Variants in MALRD1 observed in about 807,000 individuals in gnomAD.
The protein encoded by MALRD1 is MAM and LDL receptor class A domain containing 1.
In MALRD1, 247 loss-of-function variants were observed where a neutral mutation model predicts 242.1. The observed-to-expected ratio is 1.02, with a 90% CI of 0.92 to 1.13. The LOEUF (loss-of-function observed/expected upper bound fraction) is 1.13, where lower values mean the gene tolerates loss of function less well. Ranked by LOEUF, MALRD1 falls within the 50% of genes most tolerant of loss-of-function variation. The probability of loss-of-function intolerance (pLI) is 0.00; values close to 1 mark genes in which losing one functional copy is unlikely to be tolerated. For missense variants in MALRD1, 2,989 were observed against 2,533.1 expected (o/e 1.18, Z -3.86); for synonymous variants, 995 against 866.6 (o/e 1.15, Z -2.60).
intron 29 of MALRD1, among the ~76,000 whole-genome samples, chr10:19,465,007 C>T (rs539949034): frequency 7.4e-6 from 1 of 135,550 alleles, no homozygotes; most frequent in Non-Finnish European, 1.6e-5. Context: ...TGATTTGATT[C>T]TCAGCTTTGT....
chr10:19,695,075 G>A (rs1427506918), intron 38 of MALRD1, among the ~76,000 whole-genome samples: 5 of 152,128 alleles, frequency 3.3e-5, no homozygotes, highest in African/African-American at 9.7e-5. Context: ...CCTGTCATGG[G>A]GTGGGGCTAG....
chr10:19,170,668 C>T (rs773287418), intron 13 of MALRD1, among the ~76,000 whole-genome samples: 75 of 152,270 alleles, frequency 4.9e-4, no homozygotes, highest in South Asian at 3.5e-3. Flanking sequence ...TATTCTGCAG[C>T]ATCCACTAAA....
chr10:19,630,935 G>A (rs1415638167), intron 36 of MALRD1, among the ~76,000 whole-genome samples: 1 of 152,042 alleles, frequency 6.6e-6, no homozygotes, highest in African/African-American at 2.4e-5. Flanking sequence ...GAAACATTGT[G>A]ATGTACAAGG....
In MALRD1 at chr10:19,325,880, C is replaced by A. The variant is rs117852543; in HGVS notation, c.3577-1683C>A. 1.2e-3 allele frequency among the ~76,000 whole-genome samples: 180 copies of A among 152,162 alleles called. 1 individual carries two copies. The East Asian group carries it at 0.025, about 21-fold the overall frequency. ...GACTAACTGCTAGGTCATACGTTTT[C>A]CGAAAGGTTGATTGCAATATTAGTA... On this transcript the variant is annotated intron_variant, in intron 22 of 39. Transcript: ENST00000454679.
At chr10:19,226,352 A>G (rs1427623870) in intron 18 of MALRD1, among the ~76,000 whole-genome samples, 6 of 152,208 alleles carry the variant, frequency 3.9e-5, no homozygotes, top group Non-Finnish European at 8.8e-5. Flanking sequence ...TGTGTTTACA[A>G]AAAATCTATA....
intron 2 of MALRD1, among the ~76,000 whole-genome samples, chr10:19,085,868 G>C (rs1318304683): frequency 6.6e-6 from 1 of 151,810 alleles, no homozygotes; most frequent in East Asian, 1.9e-4. Flanking sequence ...TTTAGTAGTT[G>C]AATATTTATA....
intron 36 of MALRD1, among the ~76,000 whole-genome samples, chr10:19,657,157 G>A (rs1003263456): frequency 2.0e-5 from 3 of 152,070 alleles, no homozygotes; most frequent in African/African-American, 4.8e-5. Flanking sequence ...CACTGGCAAA[G>A]GTGTTCCGAC....
intron 38 of MALRD1, among the ~76,000 whole-genome samples, chr10:19,705,725 A>G (rs986629806): frequency 6.9e-6 from 1 of 144,326 alleles, no homozygotes; most frequent in East Asian, 2.0e-4. Flanking sequence ...CTTCTTTTCT[A>G]TTTTAAAAGA....
At chr10:19,703,460 C>T (rs1833709425) in intron 38 of MALRD1, among the ~76,000 whole-genome samples, 1 of 152,198 alleles carries the variant, frequency 6.6e-6, no homozygotes, top group African/African-American at 2.4e-5. Flanking sequence ...CTGTCTTCTA[C>T]ATCTATCCTC....
At chr10:19,375,765 C>A (rs1845565757) in intron 26 of MALRD1, among the ~76,000 whole-genome samples, 1 of 152,106 alleles carries the variant, frequency 6.6e-6, no homozygotes, top group South Asian at 2.1e-4. Context: ...ATAACAAAAA[C>A]AGACTAGTTA....
chr10:19,175,864 A>AT (rs1216243601), intron 14 of MALRD1, among the ~76,000 whole-genome samples: 1 of 152,134 alleles, frequency 6.6e-6, no homozygotes, highest in African/African-American at 2.4e-5. Context: ...CTTTGACTAA[A>AT]TTTTTTGGAG....
chr10:19,349,878 C>T (rs1224635174), intron 25 of MALRD1, among the ~76,000 whole-genome samples: 1 of 152,124 alleles, frequency 6.6e-6, no homozygotes, highest in African/African-American at 2.4e-5. Context: ...ACTAAGATTT[C>T]ATCCATTGCT....
intron 36 of MALRD1, among the ~76,000 whole-genome samples, chr10:19,636,509 A>C (rs1258651470): frequency 1.3e-5 from 2 of 152,170 alleles, no homozygotes; most frequent in African/African-American, 4.8e-5. Context: ...TTCCTCATGA[A>C]CTTAAATACA....
chr10:19,671,276 A>T (rs1403247473), intron 36 of MALRD1, among the ~76,000 whole-genome samples: 1 of 152,142 alleles, frequency 6.6e-6, no homozygotes, highest in African/African-American at 2.4e-5. Flanking sequence ...ATTATTTTGC[A>T]CCAATCTGTG....
chr10:19,151,101 T>C (rs953648296), intron 11 of MALRD1, among the ~76,000 whole-genome samples: 3 of 152,188 alleles, frequency 2.0e-5, no homozygotes, highest in African/African-American at 7.2e-5. Flanking sequence ...AGAGGCATTA[T>C]AATTCTCTAT....
chr10:19,565,732 T>C lies in MALRD1; in HGVS notation c.5479-1770T>C, dbSNP rs555743140. On this transcript the variant is annotated intron_variant, in intron 32 of 39. Transcript: ENST00000454679. ...TAGTCAATGGATCCAAATTCCCTTC[T>C]GATTGAATCTTAGCTGCTTTTGTTA... Among the ~76,000 whole-genome samples, 170 of 152,202 alleles carry C rather than the reference T, an allele frequency of 1.1e-3. 1 individual carries two copies. Among genetic ancestry groups the C allele is most frequent in the Non-Finnish European group, 1.8e-3 (125 of 68,042 alleles).
intron 33 of MALRD1, among the ~76,000 whole-genome samples, chr10:19,586,257 T>C (rs1164020433): frequency 7.2e-5 from 11 of 152,232 alleles, no homozygotes; most frequent in Non-Finnish European, 1.6e-4. Flanking sequence ...AGCTTTGTTC[T>C]GTTGCTGGTG....
At chr10:19,535,147 G>A (rs1834607997) in intron 32 of MALRD1, among the ~76,000 whole-genome samples, 1 of 152,054 alleles carries the variant, frequency 6.6e-6, no homozygotes, top group South Asian at 2.1e-4. Context: ...GCCTCCCAAA[G>A]TGCTGGGATT....
intron 2 of MALRD1, among the ~76,000 whole-genome samples, chr10:19,084,190 T>C (rs529673165): frequency 8.0e-4 from 121 of 152,072 alleles, no homozygotes; most frequent in Middle Eastern, 3.4e-3. Context: ...GCTTAATAAA[T>C]TGGTATGAGT....
Sources: gnomAD v4.1 joint callset for allele counts (sites outside exome capture counted in the v4.1 genomes callset) on GRCh38, gnomAD v4.1.1 for gene constraint, MANE v1.5 for transcripts, NCBI Gene and HGNC (gene_info 2026-07-23, HGNC 2026-07-21) for gene names.